The following KIF18B variants were observed in gnomAD, a reference collection of about 807,000 sequenced individuals.
The protein encoded by KIF18B is kinesin family member 18B.
In KIF18B, 49 loss-of-function variants were observed where a neutral mutation model predicts 80.9. That is an observed-to-expected ratio of 0.61 (90% CI 0.48 to 0.77). The LOEUF (loss-of-function observed/expected upper bound fraction) is 0.77, where lower values mean the gene tolerates loss of function less well. Ranked by LOEUF, KIF18B falls within the 30% of genes least tolerant of loss-of-function variation. The probability of loss-of-function intolerance (pLI) is 0.00; values close to 1 mark genes in which losing one functional copy is unlikely to be tolerated. For missense variants in KIF18B, 994 were observed against 1,127.7 expected (o/e 0.88, Z 1.70); for synonymous variants, 439 against 463.9 (o/e 0.95, Z 0.69).
In KIF18B at chr17:44,926,455, C is replaced by G; in HGVS notation, c.2411G>C (p.Ser804Thr). The change falls in exon 15 of 16, where the codon AGC becomes ACC. Residue 804 changes from serine (S) to threonine (T), a missense_variant. Coordinates refer to ENST00000593135, the MANE Select transcript of KIF18B (RefSeq NM_001265577.2). ...HGRSRIARLP[S>T]STLKRPAGPL... ...CCCAGCTGGCCTCTTCAAAGTGCTG[C>G]TGGGGAGGCGGGCGATGCGGCTGCG... is the stretch of plus-strand genomic sequence containing the variant. The G allele has an allele frequency of 6.3e-7, 1 of 1,587,954 alleles. No individual in the cohort carries two copies. Among genetic ancestry groups the G allele is most frequent in the Non-Finnish European group, 8.6e-7 (1 of 1,168,156 alleles).
At chr17:44,929,722 T>C (rs1028669335) in intron 11 of KIF18B, among the ~76,000 whole-genome samples, 1 of 152,204 alleles carries the variant, frequency 6.6e-6, no homozygotes, top group Non-Finnish European at 1.5e-5. Flanking sequence ...GAGGAGATTA[T>C]GTAAGATAGG....
chr17:44,925,664 C>T lies in KIF18B; in HGVS notation c.*416G>A. ...GGTGTGGTGATGGGTGCCTGTAATC[C>T]CAGCTACTTGGAAAGCTGAGGCAGG... On this transcript the variant is annotated 3_prime_UTR_variant, in exon 16 of 16. Transcript: ENST00000593135. The T allele has an allele frequency of 9.1e-6, 2 of 220,896 alleles. No individual in the cohort carries two copies. The highest frequency in any genetic ancestry group is 5.7e-5 in the South Asian group (1 of 17,420). The allele number at this position is 220,896 out of a possible 1,614,324, so 13.7% of individuals were successfully genotyped here.
chr17:44,928,988 C>T lies in KIF18B; in HGVS notation c.1554G>A (p.Gln518=), dbSNP rs1223870202. 1.9e-6 allele frequency: 3 copies of T among 1,614,034 alleles called. No homozygotes were observed. Among genetic ancestry groups the T allele is most frequent in the Non-Finnish European group, 2.5e-6 (3 of 1,179,892 alleles). The change falls in exon 12 of 16, where the codon CAG becomes CAA. Residue 518 remains glutamine, a synonymous_variant. Coordinates refer to ENST00000593135, the MANE Select transcript of KIF18B (RefSeq NM_001265577.2). The part of the protein sequence containing the change: ...ALKVLCVAQR[Q]YSLLQAANLL... ...GGTTGGCTGCTTGGAGCAGGGAGTA[C>T]TGCCGCTGGGCAACGCACAGCACCT...
Position 44,939,057 on chromosome 17 carries a change from T to C in KIF18B, c.-14-2699A>G, listed in dbSNP as rs556819013. ...GAAACTCCATCTCAAAAAAAAAAATTAATTAATTAAAAAAAAAGGAACATG... is the reference window on the plus strand; with the variant it reads ...GAAACTCCATCTCAAAAAAAAAAATCAATTAATTAAAAAAAAAGGAACATG... On this transcript the variant is annotated intron_variant, in intron 1 of 15. Transcript: ENST00000593135. Among the ~76,000 whole-genome samples the C allele has an allele frequency of 9.2e-4, 125 of 136,194 alleles. 2 individuals carry two copies. The highest frequency in any genetic ancestry group is 2.3e-3 in the South Asian group (10 of 4,270). The allele number at this position is 136,194 out of a possible 152,430, so 89.3% of individuals were successfully genotyped here.
At position 44,928,952 on chromosome 17, in the gene KIF18B, G is replaced by A. The variant is rs529553848; in HGVS notation, c.1590C>T (p.Pro530=). The change falls in exon 12 of 16, where the codon CCC becomes CCT. Residue 530 remains proline, a synonymous_variant. Transcript: ENST00000593135. ...GGGTCTCAAACTCTGTGATCATGTC[G>A]GGCGTCAGGAGGTTGGCTGCTTGGA... ...SLLQAANLLT[P]DMITEFETLQ... is the part of the protein sequence containing the mutation. The A allele has an allele frequency of 7.4e-6, 12 of 1,613,958 alleles. No homozygotes were observed. Among genetic ancestry groups the A allele is most frequent in the Middle Eastern group, 1.6e-4 (1 of 6,062 alleles).
chr17:44,936,323 GC>G lies in KIF18B; in HGVS notation c.21del (p.Leu8CysfsTer3). 1 of 1,607,318 alleles carries G rather than the reference GC, an allele frequency of 6.2e-7. No individual in the cohort carries two copies. Among genetic ancestry groups the G allele is most frequent in the Non-Finnish European group, 8.5e-7 (1 of 1,178,046 alleles). MAVEDS[T>X]LQVVVRVRPP... is the part of the protein sequence containing the mutation. ...GGCCGCACCCGTACCACTACTTGCA[GC>G]GTGCTGTCCTCCACTGCCATCACTG... is the stretch of plus-strand genomic sequence containing the variant. On this transcript the variant is annotated frameshift_variant, in exon 2 of 16. Coordinates refer to ENST00000593135, the MANE Select transcript of KIF18B (RefSeq NM_001265577.2). LOFTEE classifies it high-confidence loss of function.
intron 1 of KIF18B, among the ~76,000 whole-genome samples, chr17:44,940,797 T>C (rs1347713735): frequency 1.3e-5 from 2 of 152,234 alleles, no homozygotes; most frequent in Admixed American, 6.5e-5. Flanking sequence ...AAGGTTTTCC[T>C]TGGGGAATGA....
rs2052538092 is a variant in KIF18B, at chr17:44,947,692, C to G, written c.-79G>C. 1 of 152,488 alleles carries G rather than the reference C, an allele frequency of 6.6e-6. No homozygotes were observed. The highest frequency in any genetic ancestry group is 1.5e-5 in the Non-Finnish European group (1 of 68,270). 9.4% of individuals were successfully genotyped at this position (152,488 alleles called of 1,614,324 possible). A position where few individuals can be genotyped will look rare whatever the true frequency, so the allele number is the denominator to read the frequency against. ...ACGGGTCCCACAGCCACACCACAGA[C>G]AGCAGTACCCACACCGGGAGAGAGC... On this transcript the variant is annotated 5_prime_UTR_variant, in exon 1 of 16. Transcript: ENST00000593135.
chr17:44,946,605 T>C (rs539048148), intron 1 of KIF18B, among the ~76,000 whole-genome samples: 1 of 152,336 alleles, frequency 6.6e-6, no homozygotes, highest in Non-Finnish European at 1.5e-5. Flanking sequence ...GATATTAGTA[T>C]CACTGTTAGA....
chr17:44,933,295 T>C (rs534014092), intron 7 of KIF18B, among the ~76,000 whole-genome samples: 6 of 151,876 alleles, frequency 4.0e-5, no homozygotes, highest in Admixed American at 2.0e-4. Context: ...AAAGCATATA[T>C]TGGTGTTTAT....
chr17:44,933,924 G>C lies in KIF18B; in HGVS notation c.1061C>G (p.Ser354Trp). 6.4e-7 allele frequency: 1 copy of C among 1,559,484 alleles called. No homozygotes were observed. The highest frequency in any genetic ancestry group is 8.7e-7 in the Non-Finnish European group (1 of 1,152,804). Residue 354 changes from serine to tryptophan, a missense_variant and splice_region_variant, in exon 7 of 16, where the codon TCG becomes TGG. By Grantham distance (177) the Ser-to-Trp change is radical. Transcript: ENST00000593135. ...YADRAKEIRL[S>W]LKSNVTSLDC... ...AAGCCGGCCCTGGCTGGCACGCACC[G>C]AGAGCCTGATCTCCTTGGCCCGGTC...
chr17:44,946,900 G>A (rs2052521091), intron 1 of KIF18B, among the ~76,000 whole-genome samples: 2 of 151,824 alleles, frequency 1.3e-5, no homozygotes, highest in African/African-American at 2.4e-5. Flanking sequence ...GCGGCGGATC[G>A]CCTGAGTCAG....
At chr17:44,940,412 G>T (rs568367311) in intron 1 of KIF18B, among the ~76,000 whole-genome samples, 1 of 152,302 alleles carries the variant, frequency 6.6e-6, no homozygotes, top group South Asian at 2.1e-4. Context: ...AATGTAGAGG[G>T]TGACTCAACA....
rs2145765741 is a variant in KIF18B, at chr17:44,947,691, ACAG to A, written c.-81_-79del. On this transcript the variant is annotated 5_prime_UTR_variant, in exon 1 of 16. Transcript: ENST00000593135. ...CACGGGTCCCACAGCCACACCACAG[ACAG>A]CAGTACCCACACCGGGAGAGAGCGC... is the stretch of plus-strand genomic sequence containing the variant. The A allele has an allele frequency of 1.3e-5, 2 of 152,520 alleles. No homozygotes were observed. Among genetic ancestry groups the A allele is most frequent in the South Asian group, 4.1e-4 (2 of 4,834 alleles). The allele number at this position is 152,520 out of a possible 1,614,324, so 9.4% of individuals were successfully genotyped here.
rs117916435 is a variant in KIF18B at position 44,938,686 on chromosome 17, G to A, written c.-14-2328C>T. On this transcript the variant is annotated intron_variant, in intron 1 of 15. Coordinates refer to ENST00000593135, the MANE Select transcript of KIF18B (RefSeq NM_001265577.2). ...GCAATTATCCCCAAGGTCATTTATC[G>A]AATAGTGCATTCTTCCTCCACCAAT... Among the ~76,000 whole-genome samples the A allele has an allele frequency of 4.7e-4, 72 of 152,042 alleles. 1 individual carries two copies. The East Asian group carries it at 0.012, about 24-fold the overall frequency.
Position 44,936,208 on chromosome 17 carries a change from T to G in KIF18B, c.137A>C (p.Asp46Ala). 1 of 1,611,368 alleles carries G rather than the reference T, an allele frequency of 6.2e-7. No homozygotes were observed. The highest frequency in any genetic ancestry group is 8.5e-7 in the Non-Finnish European group (1 of 1,179,078). Residue 46 changes from aspartate (D) to alanine (A), a missense_variant, in exon 2 of 16, where the codon GAT becomes GCT. By Grantham distance (126) the Asp-to-Ala change is moderately radical. Transcript: ENST00000593135. ...RVLVFNPEEP[D>A]GGFPGLKWGG... ...CCATTTCAGGCCAGGGAACCCTCCA[T>G]CGGGCTCCTCAGGGTTAAACACCAG...
intron 8 of KIF18B, 47 bp from the exon 9 acceptor site, chr17:44,932,820 G>A: frequency 6.3e-7 from 1 of 1,578,642 alleles, no homozygotes; most frequent in Non-Finnish European, 8.7e-7. Context: ...CTAAGCACAG[G>A]AGGGGAGGGG....
intron 3 of KIF18B, 42 bp downstream of exon 3, chr17:44,935,217 C>A (rs200894200): frequency 1.9e-6 from 3 of 1,538,770 alleles, no homozygotes; most frequent in Non-Finnish European, 2.6e-6. Context: ...CACTTCCCCC[C>A]GGGTGGTTGT....
At chr17:44,935,983 G>T in intron 2 of KIF18B, 49 bp downstream of exon 2, 3 of 1,533,686 alleles carry the variant, frequency 2.0e-6, no homozygotes, top group South Asian at 1.1e-5. Context: ...CTTCCCTTAG[G>T]AGGAGGCAGG....
Sources: gnomAD v4.1 joint callset for allele counts (sites outside exome capture counted in the v4.1 genomes callset) on GRCh38, gnomAD v4.1.1 for gene constraint, MANE v1.5 for transcripts, NCBI Gene and HGNC (gene_info 2026-07-23, HGNC 2026-07-21) for gene names.